Variants in OSBPL2 observed in about 807,000 individuals in gnomAD.
OSBPL2 encodes oxysterol-binding protein-related protein 2.
Under a neutral mutation model 58.4 loss-of-function variants are expected in OSBPL2, and 18 were observed. That is an observed-to-expected ratio of 0.31 (90% confidence interval 0.21 to 0.46). The LOEUF is 0.46. Ranked by LOEUF, OSBPL2 falls within the 20% of genes least tolerant of loss-of-function variation. The probability of loss-of-function intolerance (pLI) is 1.00; values close to 1 mark genes in which losing one functional copy is unlikely to be tolerated. For synonymous variants in OSBPL2, 221 were observed against 234.1 expected (o/e 0.94, Z 0.51); for missense variants, 461 against 616.5 (o/e 0.75, Z 2.67).
At chr20:62,287,665 A>G (rs1983220195) in intron 11 of OSBPL2, among the ~76,000 whole-genome samples, 1 of 152,176 alleles carries the variant, frequency 6.6e-6, no homozygotes, top group Admixed American at 6.5e-5. Context: ...TATGTTGCCC[A>G]GGCTGGTCTC....
At chr20:62,273,454 T>C (rs1568842856) in intron 6 of OSBPL2, 48 bp downstream of exon 6, 1 of 1,304,474 alleles carries the variant, frequency 7.7e-7, no homozygotes, top group Non-Finnish European at 1.1e-6. Context: ...TGGAATTCCT[T>C]GGATGACAGA....
rs1983243573 is a variant in OSBPL2, at chr20:62,288,038, TG to T, written c.1126-1164del. Among the ~76,000 whole-genome samples the T allele has an allele frequency of 6.8e-6, 1 of 147,550 alleles. No homozygotes were observed. Among genetic ancestry groups the T allele is most frequent in the South Asian group, 2.2e-4 (1 of 4,620 alleles). ...TGTGGCTTCAGTCATGGGGTAGGGG[TG>T]GGGGTGTCTAGGGATTGCGTTTGGG... On this transcript the variant is annotated intron_variant, in intron 11 of 13. Coordinates refer to ENST00000313733, the MANE Select transcript of OSBPL2 (RefSeq NM_144498.4). The surrounding 1 kb of genome is among the most constrained non-coding windows in gnomAD (Gnocchi z 4.8).
chr20:62,281,025 A>G (rs1461393529), intron 7 of OSBPL2, 33 bp from the exon 8 acceptor site: 1 of 1,540,080 alleles, frequency 6.5e-7, no homozygotes, highest in Admixed American at 1.7e-5. Flanking sequence ...GCTTTTCTGG[A>G]CTCTCACTGC....
In OSBPL2 at chr20:62,293,902, C is replaced by T; in HGVS notation, c.*15C>T. On this transcript the variant is annotated 3_prime_UTR_variant, in exon 14 of 14. Coordinates refer to ENST00000313733, the MANE Select transcript of OSBPL2 (RefSeq NM_144498.4). The stretch of plus-strand genomic sequence containing the variant: ...ATATCTACTGAGGGCCTGGAGGGGC[C>T]TGGGGCCCGGGACCGGAGGCTGACG... The T allele has an allele frequency of 6.2e-7, 1 of 1,612,046 alleles. No homozygotes were observed. Among genetic ancestry groups the T allele is most frequent in the Non-Finnish European group, 8.5e-7 (1 of 1,179,304 alleles).
At chr20:62,264,129 A>G (rs1338544656) in intron 4 of OSBPL2, among the ~76,000 whole-genome samples, 2 of 152,134 alleles carry the variant, frequency 1.3e-5, no homozygotes, top group Non-Finnish European at 2.9e-5. Context: ...GATTAAGACA[A>G]TAAAACAGGA....
chr20:62,247,177 C>T (rs1019942719), intron 1 of OSBPL2, among the ~76,000 whole-genome samples: 12 of 152,204 alleles, frequency 7.9e-5, no homozygotes, highest in Non-Finnish European at 1.2e-4. Context: ...CTTCAGTGCA[C>T]GATGCTGCAC....
At chr20:62,291,486 T>A (rs113049905) in intron 12 of OSBPL2, 3 of 583,974 alleles carry the variant, frequency 5.1e-6, no homozygotes, top group Non-Finnish European at 3.1e-6. Flanking sequence ...GCAGCCCCCA[T>A]GCTCTACTCA....
intron 1 of OSBPL2, among the ~76,000 whole-genome samples, chr20:62,253,309 C>A (rs1980692316): frequency 6.6e-6 from 1 of 152,128 alleles, no homozygotes; most frequent in Non-Finnish European, 1.5e-5. Context: ...TCCTTGATTG[C>A]CAGTTTCAAA....
At chr20:62,255,380 T>C (rs1245227089) in intron 1 of OSBPL2, 2 of 152,264 alleles carry the variant, frequency 1.3e-5, no homozygotes, top group Non-Finnish European at 2.9e-5. Context: ...CCCAAAATGC[T>C]GGGATTACAG....
intron 2 of OSBPL2, among the ~76,000 whole-genome samples, chr20:62,257,540 C>T (rs1187784464): frequency 6.6e-6 from 1 of 152,112 alleles, no homozygotes; most frequent in Non-Finnish European, 1.5e-5. Context: ...TCTGCTGAAT[C>T]CCACACAGCG....
At chr20:62,245,036 G>A (rs1371433641) in intron 1 of OSBPL2, among the ~76,000 whole-genome samples, 2 of 152,214 alleles carry the variant, frequency 1.3e-5, no homozygotes, top group African/African-American at 4.8e-5. Context: ...GGGCCTTCCC[G>A]AGTCAGGGTT....
intron 12 of OSBPL2, among the ~76,000 whole-genome samples, chr20:62,289,701 C>T (rs577803791): frequency 6.6e-5 from 10 of 152,134 alleles, no homozygotes; most frequent in Non-Finnish European, 1.0e-4. Flanking sequence ...GTCAGGAGTT[C>T]GAAACCATCC....
At chr20:62,247,371 C>A (rs1199338645) in intron 1 of OSBPL2, among the ~76,000 whole-genome samples, 2 of 152,212 alleles carry the variant, frequency 1.3e-5, no homozygotes, top group Admixed American at 1.3e-4. Context: ...CCTGTGGAAC[C>A]CATTCCCTGT....
rs78539172 is a variant in OSBPL2, at chr20:62,262,532, C to T, written c.183-1084C>T. Among the ~76,000 whole-genome samples the T allele has an allele frequency of 7.6e-4, 116 of 152,340 alleles. No homozygotes were observed. The East Asian group carries it at 0.012, about 16-fold the overall frequency. ...CACTGAATGTGTGCACGGACGATGGCGGAGCAGAGCTGGGTGCTGGCTTCC... is the reference window on the plus strand; with the variant it reads ...CACTGAATGTGTGCACGGACGATGGTGGAGCAGAGCTGGGTGCTGGCTTCC... On this transcript the variant is annotated intron_variant, in intron 3 of 13. Transcript: ENST00000313733.
At position 62,284,133 on chromosome 20, in the gene OSBPL2, G is replaced by T; in HGVS notation, c.960G>T (p.Gln320His). The T allele has an allele frequency of 6.2e-7, 1 of 1,614,216 alleles. No homozygotes were observed. Among genetic ancestry groups the T allele is most frequent in the Non-Finnish European group, 8.5e-7 (1 of 1,180,028 alleles). ...DPVSYESFKK[Q>H]ERRGDHLRKA... Reference sequence around the variant, plus strand: ...TTTCGTATGAATCCTTCAAGAAGCAGGAGAGGAGAGGTGACCACCTGAGAA... The same window carrying T: ...TTTCGTATGAATCCTTCAAGAAGCATGAGAGGAGAGGTGACCACCTGAGAA... The change falls in exon 10 of 14, where the codon CAG becomes CAT. Residue 320 changes from glutamine to histidine, a missense_variant. Physicochemically the swap from Gln to His is conservative, Grantham distance 24 (BLOSUM62 0). Around this residue, in one of 5 missense-constraint regions of OSBPL2, gnomAD observed 319 missense variants for 419.2 expected, o/e 0.76. Transcript: ENST00000313733.
chr20:62,273,359 C>T lies in OSBPL2; in HGVS notation c.444C>T (p.Thr148=), dbSNP rs778948760. The T allele has an allele frequency of 1.5e-5, 24 of 1,604,016 alleles. No individual in the cohort carries two copies. Among genetic ancestry groups the T allele is most frequent in the South Asian group, 7.8e-5 (7 of 89,408 alleles). The change falls in exon 6 of 14, where the codon ACC becomes ACT. Residue 148 remains threonine, a synonymous_variant. Transcript: ENST00000313733. ...CTGTGGCTTCCCAGTGGGAGAGGACCGGCAAACCATTTAATCCACTCTTGG... is the reference window on the plus strand; with the variant it reads ...CTGTGGCTTCCCAGTGGGAGAGGACTGGCAAACCATTTAATCCACTCTTGG... The part of the protein sequence containing the change: ...VSAVASQWER[T]GKPFNPLLGE...
At chr20:62,256,752 G>A (rs957675104) in intron 2 of OSBPL2, among the ~76,000 whole-genome samples, 4 of 152,262 alleles carry the variant, frequency 2.6e-5, no homozygotes, top group African/African-American at 7.2e-5. Flanking sequence ...AATGAAGACC[G>A]TGTTGCAGGG....
At chr20:62,283,912 G>A (rs998788075) in intron 9 of OSBPL2, 134 bp from the exon 10 acceptor site, 8 of 855,856 alleles carry the variant, frequency 9.3e-6, no homozygotes, top group African/African-American at 6.8e-5. Context: ...TTTCACCTTC[G>A]CATTTATGTC....
Position 62,246,826 on chromosome 20 carries a change from C to T in OSBPL2, c.-129+8229C>T, listed in dbSNP as rs1483219982. Among the ~76,000 whole-genome samples the T allele has an allele frequency of 3.9e-5, 6 of 152,324 alleles. No individual in the cohort carries two copies. In the East Asian group the frequency reaches 9.7e-4, roughly 25 times the overall value. On this transcript the variant is annotated intron_variant, in intron 1 of 13. Transcript: ENST00000313733. Reference sequence around the variant, plus strand: ...TCTTGCTGTCCATGATTTCATGTTCCCATCCTCCAGCCTTGATCCGGGAGA... The same window carrying T: ...TCTTGCTGTCCATGATTTCATGTTCTCATCCTCCAGCCTTGATCCGGGAGA...
Sources: allele counts gnomAD v4.1 joint callset (sites outside exome capture counted in the v4.1 genomes callset), GRCh38; gene constraint gnomAD v4.1.1; regional missense constraint gnomAD v4.1.1; non-coding constraint Gnocchi (gnomAD v3.1); transcripts MANE v1.5; gene names NCBI Gene and HGNC (gene_info 2026-07-23, HGNC 2026-07-21).